Variants in RBBP8NL observed in about 807,000 individuals in gnomAD.
The protein encoded by RBBP8NL is RBBP8 N-terminal-like protein.
A neutral mutation model predicts 62.2 loss-of-function variants in RBBP8NL; 59 were observed. The observed-to-expected ratio is 0.95, with a 90% CI of 0.77 to 1.18. RBBP8NL has a LOEUF of 1.18. Ranked by LOEUF, RBBP8NL falls within the 50% of genes most tolerant of loss-of-function variation. RBBP8NL has a pLI of 0.00. For missense variants in RBBP8NL, 896 were observed against 899.5 expected (o/e 1.00, Z 0.05); for synonymous variants, 412 against 394.1 (o/e 1.05, Z -0.54).
At chr20:62,424,549 T>G (rs1458426014) in intron 1 of RBBP8NL, among the ~76,000 whole-genome samples, 2 of 152,098 alleles carry the variant, frequency 1.3e-5, no homozygotes, top group Admixed American at 6.5e-5. Flanking sequence ...AGGGGCGACG[T>G]GCTGCTCTCA....
intron 11 of RBBP8NL, among the ~76,000 whole-genome samples, 172 bp downstream of exon 11, chr20:62,413,229 C>T (rs189211373): frequency 2.0e-5 from 3 of 152,392 alleles, no homozygotes; most frequent in African/African-American, 4.8e-5. Context: ...CGGCTTCCTC[C>T]GGTGTCTGCA....
At chr20:62,413,653 G>A in intron 10 of RBBP8NL, 108 bp from the exon 11 acceptor site, 2 of 1,410,666 alleles carry the variant, frequency 1.4e-6, no homozygotes, top group South Asian at 1.4e-5. Context: ...GCTGGTGGAG[G>A]GGCCTGCCTT....
Position 62,410,777 on chromosome 20 carries a change from T to G in RBBP8NL, c.*101A>C, listed in dbSNP as rs1251104429. 3 of 778,128 alleles carry G rather than the reference T, an allele frequency of 3.9e-6. No homozygotes were observed. In the African/African-American group the frequency reaches 5.2e-5, roughly 13 times the overall value. The allele number at this position is 778,128 out of a possible 1,614,324, so 48.2% of individuals were successfully genotyped here. A position where few individuals can be genotyped will look rare whatever the true frequency, so the allele number is the denominator to read the frequency against. ...CTGGCTAGGTCTTCTCCCAGGGTTCTGTGCAGGGCTGCCTGCTGGTTGGAT... is the reference window on the plus strand; with the variant it reads ...CTGGCTAGGTCTTCTCCCAGGGTTCGGTGCAGGGCTGCCTGCTGGTTGGAT... On this transcript the variant is annotated 3_prime_UTR_variant, in exon 14 of 14. Coordinates refer to ENST00000252998, the MANE Select transcript of RBBP8NL (RefSeq NM_080833.3).
chr20:62,412,705 C>T lies in RBBP8NL; in HGVS notation c.1795G>A (p.Gly599Arg). The change falls in exon 13 of 14, where the codon GGG (glycine) becomes AGG (arginine). Residue 599 changes from glycine to arginine, a missense_variant. Transcript: ENST00000252998. ...AEATTSTTGE[G>R]PECICTQEHG... The stretch of plus-strand genomic sequence containing the variant: ...TCCTGGGTGCAGATGCACTCAGGCC[C>T]CTCCCCGGTCGTGCTCGTAGTGGCC... The T allele has an allele frequency of 1.2e-6, 2 of 1,610,318 alleles. No homozygotes were observed. The highest frequency in any genetic ancestry group is 1.7e-5 in the Admixed American group (1 of 60,026).
chr20:62,416,721 GT>G, intron 5 of RBBP8NL, 38 bp downstream of exon 5: 1 of 1,456,572 alleles, frequency 6.9e-7, no homozygotes, highest in East Asian at 2.4e-5. Flanking sequence ...GCCTGGCCCC[GT>G]GGGAGAGGAC....
intron 5 of RBBP8NL, 145 bp downstream of exon 5, chr20:62,416,615 C>T (rs990915026): frequency 1.2e-4 from 76 of 630,802 alleles, no homozygotes; most frequent in South Asian, 7.8e-4. Flanking sequence ...GTGTGTTTGT[C>T]TGTAGATTGG....
intron 1 of RBBP8NL, among the ~76,000 whole-genome samples, chr20:62,425,706 G>A (rs940050270): frequency 5.9e-5 from 9 of 152,234 alleles, no homozygotes; most frequent in Non-Finnish European, 1.2e-4. Flanking sequence ...CTCCAAGGAC[G>A]TCTGCCAGGC....
Position 62,416,154 on chromosome 20 carries a change from T to C in RBBP8NL, c.386+10A>G, listed in dbSNP as rs1235087283. ...TGGGTGTCTGAGCCCTGGGACCCTT[T>C]CCCACTCACCCCAGGCCCCGAAGCC... On this transcript the variant is annotated intron_variant, in intron 6 of 13. Coordinates refer to ENST00000252998, the MANE Select transcript of RBBP8NL (RefSeq NM_080833.3). 5 of 1,609,786 alleles carry C rather than the reference T, an allele frequency of 3.1e-6. No individual in the cohort carries two copies. The highest frequency in any genetic ancestry group is 4.2e-6 in the Non-Finnish European group (5 of 1,178,066).
Position 62,410,327 on chromosome 20 carries a change from A to G in RBBP8NL, c.*551T>C, listed in dbSNP as rs1676234988. 6.5e-6 allele frequency: 1 copy of G among 153,454 alleles called. No individual in the cohort carries two copies. Among genetic ancestry groups the G allele is most frequent in the Admixed American group, 6.4e-5 (1 of 15,522 alleles). The allele number at this position is 153,454 out of a possible 1,614,324, so 9.5% of individuals were successfully genotyped here. A position where few individuals can be genotyped will look rare whatever the true frequency, so the allele number is the denominator to read the frequency against. On this transcript the variant is annotated 3_prime_UTR_variant, in exon 14 of 14. Coordinates refer to ENST00000252998, the MANE Select transcript of RBBP8NL (RefSeq NM_080833.3). ...ACTGTCTCCCTCCACCCTCACTGCC[A>G]GACATCTGTTTGCTGTCAGCCCACG...
rs1489624500 is a variant in RBBP8NL, at chr20:62,419,634, A to G, written c.14T>C (p.Met5Thr). 1 of 1,613,328 alleles carries G rather than the reference A, an allele frequency of 6.2e-7. No individual in the cohort carries two copies. Among genetic ancestry groups the G allele is most frequent in the East Asian group, 2.2e-5 (1 of 44,872 alleles). MESF[M>T]ESLNRLKEIH... ...CTCCTTCAGCCTGTTCAGCGACTCC[A>G]TGAAGCTCTCCATGGCTCCCTGTGG... The change falls in exon 2 of 14, where the codon ATG (methionine) becomes ACG (threonine). Residue 5 changes from methionine (M) to threonine (T), a missense_variant. Physicochemically the swap from Met to Thr is moderately conservative, Grantham distance 81. Coordinates refer to ENST00000252998, the MANE Select transcript of RBBP8NL (RefSeq NM_080833.3).
intron 8 of RBBP8NL, 107 bp downstream of exon 8, chr20:62,415,471 C>T (rs1601486789): frequency 7.1e-7 from 1 of 1,415,798 alleles, no homozygotes; most frequent in African/African-American, 1.4e-5. Flanking sequence ...GGGGCACATT[C>T]AGGGTTAGGC....
At position 62,417,214 on chromosome 20, in the gene RBBP8NL, C is replaced by T; in HGVS notation, c.200+10G>A. On this transcript the variant is annotated intron_variant, in intron 4 of 13. Coordinates refer to ENST00000252998, the MANE Select transcript of RBBP8NL (RefSeq NM_080833.3). ...CCTGGCCATGCTGCGAGGTGTCCTC[C>T]CAGGCCCACCTGTTCTCCAGCACCC... 6.3e-7 allele frequency: 1 copy of T among 1,587,874 alleles called. No individual in the cohort carries two copies. Among genetic ancestry groups the T allele is most frequent in the African/African-American group, 1.3e-5 (1 of 74,656 alleles).
chr20:62,421,898 C>T (rs1428750140), intron 1 of RBBP8NL, among the ~76,000 whole-genome samples: 1 of 147,740 alleles, frequency 6.8e-6, no homozygotes, highest in Non-Finnish European at 1.5e-5. Context: ...TGTGCGTGCC[C>T]AAGCCAGTGT....
At chr20:62,417,813 TCCACGCAACGCCCCCCCAG>T in intron 3 of RBBP8NL, among the ~76,000 whole-genome samples, 1 of 71,780 alleles carries the variant, frequency 1.4e-5, no homozygotes, top group Admixed American at 1.6e-4. Context: ...GTCTGTCCTG[TCCACGCAACGCCCCCCCAG>T]TCATCTGCAC....
chr20:62,424,560 C>T (rs1046763864), intron 1 of RBBP8NL, among the ~76,000 whole-genome samples: 1 of 152,178 alleles, frequency 6.6e-6, no homozygotes, highest in Non-Finnish European at 1.5e-5. Flanking sequence ...GCTGCTCTCA[C>T]CAGAACGGAA....
rs767678171 is a variant in RBBP8NL, at chr20:62,417,221, C to T, written c.200+3G>A. On this transcript the variant is annotated splice_donor_region_variant and intron_variant, in intron 4 of 13. Transcript: ENST00000252998. ...ATGCTGCGAGGTGTCCTCCCAGGCCCACCTGTTCTCCAGCACCCGCAGGTT... is the reference window on the plus strand; with the variant it reads ...ATGCTGCGAGGTGTCCTCCCAGGCCTACCTGTTCTCCAGCACCCGCAGGTT... The T allele has an allele frequency of 1.3e-6, 2 of 1,596,092 alleles. No individual in the cohort carries two copies. Among genetic ancestry groups the T allele is most frequent in the Admixed American group, 3.5e-5 (2 of 57,684 alleles).
At chr20:62,424,224 C>T (rs1449565685) in intron 1 of RBBP8NL, among the ~76,000 whole-genome samples, 1 of 151,334 alleles carries the variant, frequency 6.6e-6, no homozygotes, top group Non-Finnish European at 1.5e-5. Flanking sequence ...GCTGAGCCCC[C>T]TGGAAGGAGT....
chr20:62,413,821 C>T lies in RBBP8NL; in HGVS notation c.1530G>A (p.Met510Ile). The T allele has an allele frequency of 6.3e-7, 1 of 1,594,602 alleles. No homozygotes were observed. The change falls in exon 10 of 14, where the codon ATG becomes ATA. Residue 510 changes from methionine (M) to isoleucine (I), a missense_variant and splice_region_variant. By Grantham distance (10) the Met-to-Ile change is conservative. Transcript: ENST00000252998. Reference protein sequence around the residue: ...VPEQEEASTPMDPSRPLPGSQ... With the variant: ...VPEQEEASTPIDPSRPLPGSQ... ...TCTGAGCCAGGACCGGGCTCCTTAC[C>T]ATGGGAGTGGAAGCCTCCTCCTGCT...
intron 1 of RBBP8NL, among the ~76,000 whole-genome samples, chr20:62,426,102 GGCAGTGGCAGTGGCATTA>G (rs1569029062): frequency 1.3e-5 from 2 of 151,530 alleles, no homozygotes; most frequent in Non-Finnish European, 2.9e-5. Flanking sequence ...CAGCGGCAGC[GGCAGTGGCAGTGGCATTA>G]GCAGTGGCAG....
Sources: allele counts gnomAD v4.1 joint callset (sites outside exome capture counted in the v4.1 genomes callset), GRCh38; gene constraint gnomAD v4.1.1; transcripts MANE v1.5; gene names NCBI Gene and HGNC (gene_info 2026-07-23, HGNC 2026-07-21).